Variants in GNAL observed in about 807,000 individuals in gnomAD.
The protein encoded by GNAL is G protein subunit alpha L.
A neutral mutation model predicts 55.1 loss-of-function variants in GNAL; 18 were observed. The ratio of observed to expected loss-of-function variants is 0.33; its 90% CI spans 0.23 to 0.48. GNAL has a LOEUF of 0.48. Among genes scored for constraint, GNAL ranks in the 20% least tolerant of loss-of-function variants. The pLI is 0.99. For synonymous variants in GNAL, 253 were observed against 237.0 expected (o/e 1.07, Z -0.62); for missense variants, 412 against 614.1 (o/e 0.67, Z 3.48).
At position 11,849,707 on chromosome 18, in the gene GNAL, T is replaced by C. The variant is rs569746699; in HGVS notation, c.723-12688T>C. ...TTTCTTCCCCTTTTTTTTGGTTGTT[T>C]ATATTCCATTTCTAGAAAAGTTTCA... On this transcript the variant is annotated intron_variant, in intron 5 of 11. Transcript: ENST00000334049. Among the ~76,000 whole-genome samples the C allele has an allele frequency of 2.0e-5, 3 of 152,256 alleles. No individual in the cohort carries two copies. In the East Asian group the frequency reaches 5.8e-4, roughly 29 times the overall value.
At chr18:11,830,695 G>A (rs2035360753) in intron 5 of GNAL, among the ~76,000 whole-genome samples, 1 of 152,078 alleles carries the variant, frequency 6.6e-6, no homozygotes, top group Admixed American at 6.6e-5. Flanking sequence ...AGCAATATTT[G>A]TCATCATAAC....
intron 5 of GNAL, among the ~76,000 whole-genome samples, chr18:11,826,689 C>T (rs2035255727): frequency 1.3e-5 from 2 of 152,120 alleles, no homozygotes; most frequent in Non-Finnish European, 2.9e-5. Context: ...CAGGAGGGTA[C>T]AGGGTGAACC....
chr18:11,842,097 C>T (rs1244478420), intron 5 of GNAL, among the ~76,000 whole-genome samples: 1 of 151,906 alleles, frequency 6.6e-6, no homozygotes, highest in African/African-American at 2.4e-5. Context: ...CTCAGCCTCC[C>T]GAGTAGCTGG....
intron 5 of GNAL, among the ~76,000 whole-genome samples, chr18:11,836,972 G>C (rs2035511236): frequency 6.6e-6 from 1 of 152,050 alleles, no homozygotes; most frequent in African/African-American, 2.4e-5. Flanking sequence ...GCTTTTTCTT[G>C]AGATGGAGTC....
chr18:11,736,201 C>A (rs1408910363), intron 1 of GNAL, among the ~76,000 whole-genome samples: 2 of 152,124 alleles, frequency 1.3e-5, no homozygotes, highest in African/African-American at 4.8e-5. Context: ...TCCAGACCAG[C>A]CTGAGCAACA....
chr18:11,861,990 A>AC lies in GNAL; in HGVS notation c.723-405_723-404insC, dbSNP rs1555615372. 1.3e-4 allele frequency among the ~76,000 whole-genome samples: 19 copies of AC among 146,896 alleles called. No homozygotes were observed. The South Asian group carries it at 1.8e-3, about 14-fold the overall frequency. Reference sequence around the variant, plus strand: ...CACACACACACACACACACACACACAACATCTGGATTTGATTAGGAAACTA... The same window carrying AC: ...CACACACACACACACACACACACACACACATCTGGATTTGATTAGGAAACTA... On this transcript the variant is annotated intron_variant, in intron 5 of 11. Coordinates refer to ENST00000334049, the MANE Select transcript of GNAL (RefSeq NM_182978.4).
chr18:11,879,982 G>A (rs545799888), intron 11 of GNAL, among the ~76,000 whole-genome samples: 101 of 152,354 alleles, frequency 6.6e-4, no homozygotes, highest in Non-Finnish European at 1.2e-3. Context: ...TAGCTGGCCG[G>A]GCGCGGTGGC....
At chr18:11,758,300 A>G (rs8084625) in intron 4 of GNAL, among the ~76,000 whole-genome samples, 9,531 of 152,308 alleles carry the variant, frequency 0.063, 456 homozygotes, top group African/African-American at 0.13. Flanking sequence ...TTGTGAAAGC[A>G]AATTGGTAGC....
At chr18:11,857,221 A>G (rs1185286278) in intron 5 of GNAL, 1 of 152,350 alleles carries the variant, frequency 6.6e-6, no homozygotes, top group Non-Finnish European at 1.5e-5. Context: ...GGATTAAATC[A>G]CAGTATAAGG....
intron 11 of GNAL, among the ~76,000 whole-genome samples, chr18:11,879,276 C>T (rs2036605911): frequency 6.6e-6 from 1 of 151,852 alleles, no homozygotes; most frequent in Admixed American, 6.6e-5. Flanking sequence ...GTCCAAGCAG[C>T]TCTCTAAAGG....
chr18:11,860,246 T>A lies in GNAL; in HGVS notation c.723-2149T>A, dbSNP rs543997161. Among the ~76,000 whole-genome samples the A allele has an allele frequency of 2.6e-5, 4 of 152,316 alleles. No individual in the cohort carries two copies. In the South Asian group the frequency reaches 8.3e-4, roughly 32 times the overall value. The stretch of plus-strand genomic sequence containing the variant: ...CCCCTTTGTGTATTCTGCTTCTGGG[T>A]TACTTGCCCTGGGGGTGCCAAACCC... On this transcript the variant is annotated intron_variant, in intron 5 of 11. Transcript: ENST00000334049.
At chr18:11,824,152 A>G (rs982155292) in intron 4 of GNAL, among the ~76,000 whole-genome samples, 4 of 152,138 alleles carry the variant, frequency 2.6e-5, no homozygotes, top group Middle Eastern at 6.8e-3. Flanking sequence ...AATTTAATCC[A>G]TCTACTCAAC....
intron 5 of GNAL, among the ~76,000 whole-genome samples, chr18:11,855,499 T>C (rs961099675): frequency 6.6e-5 from 10 of 152,354 alleles, no homozygotes; most frequent in African/African-American, 2.4e-4. Context: ...CAAAATACTT[T>C]CCTCTACTTT....
chr18:11,764,730 C>T (rs2033352420), intron 4 of GNAL, among the ~76,000 whole-genome samples: 1 of 152,050 alleles, frequency 6.6e-6, no homozygotes, highest in Admixed American at 6.6e-5. Context: ...AGCCATGATC[C>T]AGCCACTGCA....
At chr18:11,796,528 C>T (rs1423016614) in intron 4 of GNAL, among the ~76,000 whole-genome samples, 1 of 141,940 alleles carries the variant, frequency 7.0e-6, no homozygotes, top group Non-Finnish European at 1.5e-5. Context: ...GAGCCAAGAT[C>T]GAGCCACTGC....
At chr18:11,747,978 G>C (rs921203234) in intron 1 of GNAL, among the ~76,000 whole-genome samples, 2 of 152,136 alleles carry the variant, frequency 1.3e-5, no homozygotes, top group African/African-American at 4.8e-5. Flanking sequence ...CTGGCAGCGG[G>C]CGCCACTCTG....
chr18:11,717,240 G>C (rs558566261), intron 1 of GNAL, among the ~76,000 whole-genome samples: 168 of 152,344 alleles, frequency 1.1e-3, no homozygotes, highest in Non-Finnish European at 1.3e-3. Flanking sequence ...CCACCCGGAA[G>C]TCACACTGGC....
chr18:11,792,883 G>A (rs1253732387), intron 4 of GNAL, among the ~76,000 whole-genome samples: 2 of 152,124 alleles, frequency 1.3e-5, no homozygotes, highest in Non-Finnish European at 2.9e-5. Context: ...AGTAACTTTA[G>A]GTATGTTTAT....
At chr18:11,708,526 G>A (rs1390492440) in intron 1 of GNAL, among the ~76,000 whole-genome samples, 1 of 152,158 alleles carries the variant, frequency 6.6e-6, no homozygotes, top group Non-Finnish European at 1.5e-5. Flanking sequence ...TTGGAATATT[G>A]CAAAGATTAC....
Sources: allele counts gnomAD v4.1 joint callset (sites outside exome capture counted in the v4.1 genomes callset), GRCh38; gene constraint gnomAD v4.1.1; transcripts MANE v1.5; gene names NCBI Gene and HGNC (gene_info 2026-07-23, HGNC 2026-07-21).